MPDZ: variants seen among roughly 807,000 people sequenced by gnomAD.
MPDZ encodes multiple PDZ domain protein.
In MPDZ, 234 loss-of-function variants were observed where a neutral mutation model predicts 239.1. The ratio of observed to expected loss-of-function variants is 0.98; its 90% confidence interval spans 0.88 to 1.09. The LOEUF (loss-of-function observed/expected upper bound fraction) is 1.09, where lower values mean the gene tolerates loss of function less well. MPDZ is among the 50% of genes least tolerant of loss of function. The pLI is 0.00. For missense variants in MPDZ, 3,175 were observed against 2,510.0 expected (o/e 1.26, Z -5.66); for synonymous variants, 1,048 against 881.3 (o/e 1.19, Z -3.35).
At chr9:13,126,321 C>A (rs1359610491) in intron 34 of MPDZ, among the ~76,000 whole-genome samples, 195 bp downstream of exon 34, 1 of 152,056 alleles carries the variant, frequency 6.6e-6, no homozygotes, top group Non-Finnish European at 1.5e-5. Flanking sequence ...ATTTGTGTGG[C>A]AACGAAAAAT....
intron 24 of MPDZ, among the ~76,000 whole-genome samples, chr9:13,151,641 C>T (rs540744540): frequency 1.3e-5 from 2 of 151,856 alleles, no homozygotes; most frequent in African/African-American, 4.8e-5. Context: ...TGGGAAGAGA[C>T]AAGAAAGGGG....
At chr9:13,168,306 T>C (rs1951336337) in intron 22 of MPDZ, 60 bp downstream of exon 22, 1 of 1,481,560 alleles carries the variant, frequency 6.7e-7, no homozygotes, top group Non-Finnish European at 9.4e-7. Context: ...TGAAAAAGAA[T>C]TCTGATTAAT....
At chr9:13,123,646 A>G (rs1473317745) in intron 35 of MPDZ, among the ~76,000 whole-genome samples, 1 of 152,158 alleles carries the variant, frequency 6.6e-6, no homozygotes, top group Non-Finnish European at 1.5e-5. Flanking sequence ...GATATTCTCC[A>G]TTTCAATGGA....
intron 22 of MPDZ, chr9:13,165,436 T>C (rs1204248069): frequency 3.2e-6 from 5 of 1,548,094 alleles, no homozygotes; most frequent in Admixed American, 3.9e-5. Flanking sequence ...CGCCGCGGCA[T>C]CTTTTTACAA....
intron 1 of MPDZ, among the ~76,000 whole-genome samples, chr9:13,259,555 G>A (rs992713935): frequency 3.9e-5 from 6 of 152,116 alleles, no homozygotes; most frequent in African/African-American, 9.7e-5. Context: ...GAACACAAAG[G>A]AGGGTCACCC....
intron 1 of MPDZ, among the ~76,000 whole-genome samples, chr9:13,277,748 A>G (rs1974567681): frequency 6.6e-6 from 1 of 152,050 alleles, no homozygotes; most frequent in African/African-American, 2.4e-5. Context: ...TATTTTTAGT[A>G]GAGACAGGGT....
intron 1 of MPDZ, among the ~76,000 whole-genome samples, chr9:13,272,081 A>G (rs1973116496): frequency 6.6e-6 from 1 of 152,172 alleles, no homozygotes; most frequent in African/African-American, 2.4e-5. Context: ...GATAGCTTCA[A>G]AACAGCCAAA....
At chr9:13,151,197 T>C (rs1949124126) in intron 24 of MPDZ, among the ~76,000 whole-genome samples, 1 of 152,022 alleles carries the variant, frequency 6.6e-6, no homozygotes, top group Non-Finnish European at 1.5e-5. Context: ...GAAACCCTTG[T>C]GTACTGTTGG....
At chr9:13,232,483 T>C (rs555037343) in intron 3 of MPDZ, among the ~76,000 whole-genome samples, 1 of 152,054 alleles carries the variant, frequency 6.6e-6, no homozygotes, top group Non-Finnish European at 1.5e-5. Context: ...TGGAAAATTA[T>C]TTATAAACAT....
chr9:13,202,470 T>A (rs1268033131), intron 12 of MPDZ, among the ~76,000 whole-genome samples: 1 of 152,182 alleles, frequency 6.6e-6, no homozygotes, highest in African/African-American at 2.4e-5. Context: ...AGAAGCACCA[T>A]GGAACCAGCC....
chr9:13,146,634 A>G (rs1948472265), intron 26 of MPDZ, among the ~76,000 whole-genome samples: 2 of 152,180 alleles, frequency 1.3e-5, no homozygotes, highest in South Asian at 4.1e-4. Context: ...AGGAGTCTGT[A>G]AGTGCTTCAG....
chr9:13,110,021 T>A lies in MPDZ; in HGVS notation c.5873A>T (p.Gln1958Leu). ...AGAAAGACTGGAACTTGCAGGCTCC[T>A]GCTGATGACCTGTGACCACACTCAC... ...GDVSVVTGHQQEPASSSLSFT... is the reference protein window; with the variant it reads ...GDVSVVTGHQLEPASSSLSFT... The change falls in exon 45 of 47, where the codon CAG becomes CTG. Residue 1958 changes from glutamine (Q) to leucine (L), a missense_variant. Transcript: ENST00000319217. 1 of 1,613,438 alleles carries A rather than the reference T, an allele frequency of 6.2e-7. No individual in the cohort carries two copies. The highest frequency in any genetic ancestry group is 8.5e-7 in the Non-Finnish European group (1 of 1,179,724).
chr9:13,147,045 A>C (rs1199082214), intron 26 of MPDZ, among the ~76,000 whole-genome samples: 2 of 152,070 alleles, frequency 1.3e-5, no homozygotes, highest in Non-Finnish European at 2.9e-5. Flanking sequence ...CTTGTAAACA[A>C]ACCAAATCTG....
At chr9:13,176,722 A>G (rs956843897) in intron 19 of MPDZ, among the ~76,000 whole-genome samples, 31 of 152,102 alleles carry the variant, frequency 2.0e-4, no homozygotes, top group African/African-American at 6.8e-4. Context: ...TACAAATAAA[A>G]TTATTCAGAG....
At chr9:13,136,978 T>C (rs1393761226) in intron 29 of MPDZ, among the ~76,000 whole-genome samples, 175 bp from the exon 30 acceptor site, 1 of 152,186 alleles carries the variant, frequency 6.6e-6, no homozygotes, top group Non-Finnish European at 1.5e-5. Context: ...GAATAAAGAA[T>C]AGCTCATGTT....
chr9:13,179,402 G>A (rs1025975307), intron 19 of MPDZ, among the ~76,000 whole-genome samples: 4 of 152,010 alleles, frequency 2.6e-5, no homozygotes, highest in African/African-American at 7.2e-5. Flanking sequence ...AGGTCAAGTC[G>A]CCCTTGTTAG....
intron 27 of MPDZ, among the ~76,000 whole-genome samples, chr9:13,142,118 C>G (rs979023027): frequency 6.6e-6 from 1 of 152,108 alleles, no homozygotes; most frequent in East Asian, 1.9e-4. Flanking sequence ...AGTCCATTCC[C>G]TTTTTAAAAG....
chr9:13,162,594 A>G, intron 23 of MPDZ, 97 bp downstream of exon 23: 1 of 575,258 alleles, frequency 1.7e-6, no homozygotes, highest in Non-Finnish European at 2.9e-6. Context: ...AAAAGGATTC[A>G]GACCTTTTCT....
chr9:13,157,286 A>T (rs1238086147), intron 24 of MPDZ, among the ~76,000 whole-genome samples: 1 of 152,136 alleles, frequency 6.6e-6, no homozygotes, highest in Non-Finnish European at 1.5e-5. Flanking sequence ...AAGGTGAAAT[A>T]CCTTGTGTTC....
Sources: gnomAD v4.1 joint callset for allele counts (sites outside exome capture counted in the v4.1 genomes callset) on GRCh38, gnomAD v4.1.1 for gene constraint, MANE v1.5 for transcripts, NCBI Gene and HGNC (gene_info 2026-07-23, HGNC 2026-07-21) for gene names.